Variants in OXCT1 observed in about 807,000 individuals in gnomAD.
OXCT1 encodes 3-oxoacid CoA-transferase 1.
Under a neutral mutation model 69.6 loss-of-function variants are expected in OXCT1, and 27 were observed. That is an observed-to-expected ratio of 0.39 (90% CI 0.29 to 0.54). The LOEUF (loss-of-function observed/expected upper bound fraction) is 0.54. OXCT1 is among the 20% of genes least tolerant of loss of function. The pLI is 0.72. For missense variants in OXCT1, 437 were observed against 650.2 expected (o/e 0.67, Z 3.57); for synonymous variants, 202 against 217.8 (o/e 0.93, Z 0.64).
chr5:41,865,829 T>C (rs1335596654), intron 1 of OXCT1, among the ~76,000 whole-genome samples: 1 of 152,226 alleles, frequency 6.6e-6, no homozygotes, highest in East Asian at 1.9e-4. Flanking sequence ...TGCAGGACTA[T>C]AGAAGATATC....
intron 13 of OXCT1, among the ~76,000 whole-genome samples, chr5:41,782,795 A>G (rs1417649462): frequency 6.6e-6 from 1 of 152,198 alleles, no homozygotes; most frequent in Non-Finnish European, 1.5e-5. Context: ...TTTCAAAGGT[A>G]AACTTTCCCC....
intron 5 of OXCT1, among the ~76,000 whole-genome samples, chr5:41,847,562 C>T (rs1485929985): frequency 6.6e-6 from 1 of 151,470 alleles, no homozygotes; most frequent in Non-Finnish European, 1.5e-5. Context: ...TCCAGCAGCA[C>T]ATCAAAAAGC....
intron 16 of OXCT1, among the ~76,000 whole-genome samples, chr5:41,732,659 G>A (rs1742690869): frequency 6.6e-6 from 1 of 152,078 alleles, no homozygotes; most frequent in African/African-American, 2.4e-5. Flanking sequence ...ATCAAAATGA[G>A]CCCAATTAGC....
Position 41,842,658 on chromosome 5 carries a change from T to A in OXCT1, c.671+17A>T. ...AGTTGCTGATATGCACGAGTGTTTT[T>A]AAAACTATCACAATACCTGAAAATC... On this transcript the variant is annotated intron_variant, in intron 6 of 16. Coordinates refer to ENST00000196371, the MANE Select transcript of OXCT1 (RefSeq NM_000436.4). 6.3e-7 allele frequency: 1 copy of A among 1,576,176 alleles called. No homozygotes were observed.
chr5:41,819,250 C>T (rs1024322234), intron 7 of OXCT1, among the ~76,000 whole-genome samples: 4 of 151,916 alleles, frequency 2.6e-5, no homozygotes, highest in East Asian at 3.9e-4. Flanking sequence ...TTTAGGAGAA[C>T]ATCCCCTCAG....
At chr5:41,733,048 G>A (rs902542754) in intron 16 of OXCT1, among the ~76,000 whole-genome samples, 1 of 152,020 alleles carries the variant, frequency 6.6e-6, no homozygotes, top group Non-Finnish European at 1.5e-5. Flanking sequence ...AAATGAGAAC[G>A]CATTATGACT....
At chr5:41,786,930 A>C (rs1013290087) in intron 13 of OXCT1, among the ~76,000 whole-genome samples, 7 of 152,236 alleles carry the variant, frequency 4.6e-5, no homozygotes, top group African/African-American at 1.7e-4. Context: ...AGAAGCCAAA[A>C]GGAAGGTCTC....
At chr5:41,768,100 C>T (rs1021774716) in intron 13 of OXCT1, among the ~76,000 whole-genome samples, 2 of 152,120 alleles carry the variant, frequency 1.3e-5, no homozygotes, top group Non-Finnish European at 2.9e-5. Context: ...GTCCCTGTCA[C>T]CCTGTGGCAC....
At chr5:41,741,409 G>T (rs747582208) in intron 15 of OXCT1, among the ~76,000 whole-genome samples, 2 of 152,152 alleles carry the variant, frequency 1.3e-5, no homozygotes, top group Non-Finnish European at 2.9e-5. Context: ...CAACTGTTAT[G>T]CAACCTTTAG....
At chr5:41,748,986 A>G (rs1743638209) in intron 15 of OXCT1, among the ~76,000 whole-genome samples, 2 of 152,016 alleles carry the variant, frequency 1.3e-5, no homozygotes, top group South Asian at 2.1e-4. Context: ...CTACTGACCA[A>G]TATGTTCCAT....
chr5:41,805,207 A>T (rs574850222), intron 9 of OXCT1, among the ~76,000 whole-genome samples: 4 of 152,168 alleles, frequency 2.6e-5, no homozygotes, highest in Admixed American at 2.6e-4. Flanking sequence ...GACAGAAAGT[A>T]AATAGCACTG....
chr5:41,847,777 T>C (rs1490743401), intron 5 of OXCT1, among the ~76,000 whole-genome samples: 2 of 152,090 alleles, frequency 1.3e-5, no homozygotes, highest in African/African-American at 4.8e-5. Flanking sequence ...ATGGGACATA[T>C]CTCAAGATAA....
At chr5:41,828,890 ATACT>A (rs2112356749) in intron 7 of OXCT1, among the ~76,000 whole-genome samples, 1 of 152,346 alleles carries the variant, frequency 6.6e-6, no homozygotes, top group Non-Finnish European at 1.5e-5. Context: ...ACACTGTTAC[ATACT>A]TTTTTAAAAA....
At chr5:41,808,248 G>A (rs552898260) in intron 7 of OXCT1, among the ~76,000 whole-genome samples, 32 of 152,086 alleles carry the variant, frequency 2.1e-4, no homozygotes, top group South Asian at 1.0e-3. Context: ...CTGGTGACAC[G>A]CACGCACACA....
In OXCT1 at chr5:41,798,752, T is replaced by G. The variant is rs74389752; in HGVS notation, c.1099+2270A>C. Among the ~76,000 whole-genome samples, 579 of 152,320 alleles carry G rather than the reference T, an allele frequency of 3.8e-3. 2 individuals carry two copies. The highest frequency in any genetic ancestry group is 0.013 in the African/African-American group (558 of 41,572). ...ATATGAGACTTAGAAATTTCACAACTGCATTGGGTTACTCTAGGTTAGAGC... is the reference window on the plus strand; with the variant it reads ...ATATGAGACTTAGAAATTTCACAACGGCATTGGGTTACTCTAGGTTAGAGC... On this transcript the variant is annotated intron_variant, in intron 11 of 16. Coordinates refer to ENST00000196371, the MANE Select transcript of OXCT1 (RefSeq NM_000436.4).
intron 1 of OXCT1, among the ~76,000 whole-genome samples, chr5:41,866,086 T>G (rs1749960621): frequency 7.0e-6 from 1 of 143,096 alleles, no homozygotes; most frequent in Non-Finnish European, 1.5e-5. Flanking sequence ...CATATTCTGA[T>G]GTTATATACA....
intron 13 of OXCT1, among the ~76,000 whole-genome samples, chr5:41,780,964 C>T (rs1358773227): frequency 3.3e-5 from 5 of 151,228 alleles, no homozygotes; most frequent in Non-Finnish European, 5.9e-5. Flanking sequence ...AGGGCAGTGG[C>T]GCGATCTTGG....
intron 7 of OXCT1, among the ~76,000 whole-genome samples, chr5:41,840,171 G>A (rs1352126511): frequency 6.6e-6 from 1 of 152,138 alleles, no homozygotes; most frequent in Non-Finnish European, 1.5e-5. Flanking sequence ...TTCATTCAAG[G>A]AGATCTATTT....
intron 13 of OXCT1, among the ~76,000 whole-genome samples, chr5:41,782,146 C>T (rs1745435279): frequency 2.7e-5 from 4 of 146,872 alleles, no homozygotes; most frequent in Admixed American, 6.8e-5. Context: ...TAGTAATAGT[C>T]ATTGTGACTG....
Sources: allele counts gnomAD v4.1 joint callset (sites outside exome capture counted in the v4.1 genomes callset), GRCh38; gene constraint gnomAD v4.1.1; transcripts MANE v1.5; gene names NCBI Gene and HGNC (gene_info 2026-07-23, HGNC 2026-07-21).